The following SRBD1 variants were observed in gnomAD, a reference collection of about 807,000 sequenced individuals.
SRBD1 encodes the protein S1 RNA-binding domain-containing protein 1.
SRBD1 carries 88 observed loss-of-function variants against 115.3 expected under a neutral mutation model. The observed-to-expected ratio is 0.76, with a 90% CI of 0.64 to 0.91. The LOEUF is 0.91. Among genes scored for constraint, SRBD1 ranks in the 40% least tolerant of loss-of-function variants. The pLI is 0.00. For synonymous variants in SRBD1, 509 were observed against 407.7 expected, an observed-to-expected ratio of 1.25 and a Z score of -2.99; for missense variants, 1,385 against 1,177.4, an observed-to-expected ratio of 1.18 and a Z score of -2.58.
intron 16 of SRBD1, among the ~76,000 whole-genome samples, chr2:45,424,775 A>G (rs1221397442): frequency 6.6e-6 from 1 of 152,206 alleles, no homozygotes; most frequent in Non-Finnish European, 1.5e-5. Context: ...CAATGGTCTA[A>G]GCTAATCATG....
At chr2:45,593,808 C>A (rs780224334) in intron 4 of SRBD1, among the ~76,000 whole-genome samples, 1 of 152,118 alleles carries the variant, frequency 6.6e-6, no homozygotes, top group South Asian at 2.1e-4. Context: ...CTACTACACA[C>A]ACAAGTTTCC....
At position 45,440,107 on chromosome 2, in the gene SRBD1, G is replaced by A. The variant is rs562581158; in HGVS notation, c.2050-20213C>T. 1.2e-3 allele frequency among the ~76,000 whole-genome samples: 185 copies of A among 152,294 alleles called. 1 individual carries two copies. The highest frequency in any genetic ancestry group is 0.011 in the South Asian group (52 of 4,826). ...GGTAGTCAGTTAATGACACAAGCTT[G>A]CTAGTTAGCTGCTTGTTTGGTTCTC... On this transcript the variant is annotated intron_variant, in intron 16 of 20. Coordinates refer to ENST00000263736, the MANE Select transcript of SRBD1 (RefSeq NM_018079.5).
At chr2:45,489,354 G>T (rs1459452203) in intron 14 of SRBD1, among the ~76,000 whole-genome samples, 1 of 152,172 alleles carries the variant, frequency 6.6e-6, no homozygotes, top group African/African-American at 2.4e-5. Flanking sequence ...TGGATGACAT[G>T]TAACGTACTG....
At chr2:45,502,292 G>C (rs528537859) in intron 14 of SRBD1, among the ~76,000 whole-genome samples, 5 of 152,152 alleles carry the variant, frequency 3.3e-5, no homozygotes, top group Admixed American at 6.5e-5. Flanking sequence ...TCTAGAAGTA[G>C]AAACACCATT....
intron 4 of SRBD1, among the ~76,000 whole-genome samples, chr2:45,586,841 C>T (rs960724789): frequency 1.4e-5 from 2 of 144,564 alleles, no homozygotes; most frequent in African/African-American, 5.2e-5. Flanking sequence ...ACCACCGAAA[C>T]AGGCAATTAA....
intron 19 of SRBD1, among the ~76,000 whole-genome samples, chr2:45,406,530 T>C (rs1667442632): frequency 6.6e-6 from 1 of 152,196 alleles, no homozygotes; most frequent in Admixed American, 6.5e-5. Flanking sequence ...CTCCATCCTC[T>C]TGCTGAAAAC....
In SRBD1 at chr2:45,413,195, T is replaced by C. The variant is rs3755072; in HGVS notation, c.2432A>G (p.Lys811Arg). 207,400 of 1,613,944 alleles carry C rather than the reference T, an allele frequency of 0.13. 14,688 individuals are homozygous for C. The highest frequency in any genetic ancestry group is 0.25 in the East Asian group (10,994 of 44,852). ...TNEKQGKKKS[K>R]TAVNVLLKPN... The stretch of plus-strand genomic sequence containing the variant: ...CTTCAGTAAAACATTCACTGCAGTT[T>C]TGCTCTTCTTTTTGCCCTGCTTCTC... Residue 811 changes from lysine to arginine, a missense_variant, in exon 19 of 21, where the codon AAA becomes AGA. Lys to Arg is a conservative substitution (Grantham distance 26, BLOSUM62 2). Transcript: ENST00000263736.
chr2:45,608,603 T>A (rs1558511128), intron 1 of SRBD1, among the ~76,000 whole-genome samples: 1 of 152,068 alleles, frequency 6.6e-6, no homozygotes, highest in Admixed American at 6.6e-5. Context: ...TTATTAACAA[T>A]CCTAATCCCT....
intron 4 of SRBD1, 68 bp from the exon 5 acceptor site, chr2:45,585,842 A>T: frequency 7.9e-7 from 1 of 1,269,628 alleles, no homozygotes; most frequent in Non-Finnish European, 1.1e-6. Flanking sequence ...GTATAATTTA[A>T]AACATAGTAT....
chr2:45,406,872 AC>A (rs1558557358), intron 19 of SRBD1, among the ~76,000 whole-genome samples: 2 of 151,934 alleles, frequency 1.3e-5, no homozygotes, highest in Non-Finnish European at 2.9e-5. Context: ...TATTCCAGAT[AC>A]TTTTTTTTTT....
intron 15 of SRBD1, among the ~76,000 whole-genome samples, 159 bp from the exon 16 acceptor site, chr2:45,477,234 T>C (rs1669830950): frequency 6.6e-6 from 1 of 152,132 alleles, no homozygotes; most frequent in African/African-American, 2.4e-5. Context: ...TTCTCTTTTT[T>C]CCCCACACAA....
intron 16 of SRBD1, among the ~76,000 whole-genome samples, chr2:45,425,534 C>T (rs1164471497): frequency 6.6e-6 from 1 of 151,866 alleles, no homozygotes; most frequent in African/African-American, 2.4e-5. Flanking sequence ...GCAAGATGGC[C>T]GAATAGGAAC....
chr2:45,573,243 A>G lies in SRBD1; in HGVS notation c.1269T>C (p.His423=). The G allele has an allele frequency of 6.2e-7, 1 of 1,610,756 alleles. No homozygotes were observed. The highest frequency in any genetic ancestry group is 8.5e-7 in the Non-Finnish European group (1 of 1,178,832). ...GAATGTTTCTTATGTTGCAGGAAAA[A>G]TGCTGGTAGAGCAGAAACTTATCAA... ...KDVDKFLLYQ[H]FSCNIRNIHH... The change falls in exon 9 of 21, where the codon CAT becomes CAC. Residue 423 remains histidine (H), a synonymous_variant. Coordinates refer to ENST00000263736, the MANE Select transcript of SRBD1 (RefSeq NM_018079.5).
intron 7 of SRBD1, among the ~76,000 whole-genome samples, chr2:45,578,974 T>C (rs1464449288): frequency 6.6e-6 from 1 of 152,184 alleles, no homozygotes; most frequent in Non-Finnish European, 1.5e-5. Context: ...CAAAACATCA[T>C]GTTGCACATG....
intron 15 of SRBD1, among the ~76,000 whole-genome samples, chr2:45,481,916 A>G (rs1285080883): frequency 6.6e-6 from 1 of 152,162 alleles, no homozygotes; most frequent in Non-Finnish European, 1.5e-5. Context: ...AGGAAAATCC[A>G]TACAGAGAGA....
intron 10 of SRBD1, among the ~76,000 whole-genome samples, chr2:45,556,753 A>G (rs1672491304): frequency 1.3e-5 from 2 of 152,070 alleles, no homozygotes; most frequent in African/African-American, 2.4e-5. Context: ...GTGACCCACC[A>G]TGTCTGGCCT....
intron 14 of SRBD1, 145 bp from the exon 15 acceptor site, chr2:45,488,476 C>A: frequency 1.7e-6 from 1 of 584,520 alleles, no homozygotes; most frequent in Non-Finnish European, 3.0e-6. Flanking sequence ...CTGACAGCAT[C>A]TAATATTTCA....
Position 45,480,652 on chromosome 2 carries a change from C to T in SRBD1, c.1967-3577G>A, listed in dbSNP as rs1037082341. On this transcript the variant is annotated intron_variant, in intron 15 of 20. Transcript: ENST00000263736. ...ATGGAATCTACTCCTGGTGAAGATG[C>T]TATGAACGTTGTGGAAATGATAAAA... Among the ~76,000 whole-genome samples the T allele has an allele frequency of 4.6e-5, 7 of 152,120 alleles. No homozygotes were observed. The East Asian group carries it at 1.2e-3, about 25-fold the overall frequency.
At chr2:45,473,954 T>C (rs547818231) in intron 16 of SRBD1, among the ~76,000 whole-genome samples, 18 of 152,336 alleles carry the variant, frequency 1.2e-4, no homozygotes, top group South Asian at 4.1e-4. Context: ...ATGTGACTTT[T>C]TGTTCATGCT....
Sources: gnomAD v4.1 joint callset for allele counts (sites outside exome capture counted in the v4.1 genomes callset) on GRCh38, gnomAD v4.1.1 for gene constraint, MANE v1.5 for transcripts, NCBI Gene and HGNC (gene_info 2026-07-23, HGNC 2026-07-21) for gene names.